The following FGF14 variants were observed in gnomAD, a reference collection of about 807,000 sequenced individuals.
The protein encoded by FGF14 is fibroblast growth factor 14, also known as fibroblast growth factor homologous factor 4.
FGF14 carries 5 observed loss-of-function variants against 25.5 expected under a neutral mutation model. The observed-to-expected ratio is 0.20, with a 90% CI of 0.10 to 0.41. The LOEUF (loss-of-function observed/expected upper bound fraction) is 0.41. Among genes scored for constraint, FGF14 ranks in the 10% least tolerant of loss-of-function variants. FGF14 has a pLI of 1.00. For missense variants in FGF14, 222 were observed against 320.1 expected (o/e 0.69, Z 2.34); for synonymous variants, 138 against 118.3 (o/e 1.17, Z -1.08).
At chr13:102,210,647 T>C (rs768607342) in intron 1 of FGF14, among the ~76,000 whole-genome samples, 1 of 152,168 alleles carries the variant, frequency 6.6e-6, no homozygotes, top group African/African-American at 2.4e-5. Flanking sequence ...GTGTTTCCCA[T>C]GGCCCTGAAA....
intron 1 of FGF14, among the ~76,000 whole-genome samples, chr13:102,157,359 T>C (rs1458505906): frequency 2.6e-5 from 4 of 151,972 alleles, no homozygotes; most frequent in African/African-American, 9.7e-5. Flanking sequence ...TGCCACATAT[T>C]TACAACTATC....
chr13:101,986,073 T>A (rs1487206589), intron 1 of FGF14, among the ~76,000 whole-genome samples: 1 of 152,154 alleles, frequency 6.6e-6, no homozygotes, highest in Non-Finnish European at 1.5e-5. Context: ...CACTGTAAGT[T>A]CAATTTGATA....
At chr13:102,305,426 G>C (rs2055322327) in intron 1 of FGF14, among the ~76,000 whole-genome samples, 1 of 152,124 alleles carries the variant, frequency 6.6e-6, no homozygotes, top group Admixed American at 6.5e-5. Flanking sequence ...AATGTGGATT[G>C]CCTACGATAG....
chr13:101,833,138 AG>A (rs2042759664), intron 3 of FGF14, among the ~76,000 whole-genome samples: 1 of 151,932 alleles, frequency 6.6e-6, no homozygotes, highest in Non-Finnish European at 1.5e-5. Flanking sequence ...GGTAGGAGGT[AG>A]GGTCTCTCCA....
Position 101,805,853 on chromosome 13 carries a change from A to T in FGF14, c.408+62872T>A, listed in dbSNP as rs1211702485. 3.9e-5 allele frequency among the ~76,000 whole-genome samples: 6 copies of T among 152,220 alleles called. No individual in the cohort carries two copies. The East Asian group carries it at 1.2e-3, about 29-fold the overall frequency. ...TTCAATAAAAATATATCAAAAAACA[A>T]AAGCCCAAATGGAGTTCTAAAAAAT... On this transcript the variant is annotated intron_variant, in intron 3 of 4. Transcript: ENST00000376143.
At chr13:102,248,192 A>G (rs778579880) in intron 1 of FGF14, among the ~76,000 whole-genome samples, 11 of 152,134 alleles carry the variant, frequency 7.2e-5, no homozygotes, top group Non-Finnish European at 1.3e-4. Flanking sequence ...AACCCCCACA[A>G]CACGAGTTTA....
At chr13:102,037,766 C>A (rs1451816543) in intron 1 of FGF14, among the ~76,000 whole-genome samples, 1 of 152,128 alleles carries the variant, frequency 6.6e-6, no homozygotes, top group African/African-American at 2.4e-5. Context: ...CGTTGCAGAC[C>A]AGTATCCAAG....
chr13:101,908,306 C>T (rs552350424), intron 1 of FGF14, among the ~76,000 whole-genome samples: 1 of 152,294 alleles, frequency 6.6e-6, no homozygotes, highest in South Asian at 2.1e-4. Context: ...CTCCTAATCC[C>T]AGCCCCACTC....
At chr13:102,305,992 C>T (rs2055354761) in intron 1 of FGF14, among the ~76,000 whole-genome samples, 1 of 152,118 alleles carries the variant, frequency 6.6e-6, no homozygotes, top group African/African-American at 2.4e-5. Flanking sequence ...CAATGCCCTG[C>T]CCTGCCCACA....
chr13:101,807,229 C>T (rs2041252503), intron 3 of FGF14, among the ~76,000 whole-genome samples: 1 of 152,090 alleles, frequency 6.6e-6, no homozygotes, highest in Admixed American at 6.6e-5. Context: ...GACATAATCA[C>T]TACTCATTCC....
intron 1 of FGF14, among the ~76,000 whole-genome samples, chr13:101,923,929 C>T (rs1359766730): frequency 1.3e-5 from 2 of 152,006 alleles, no homozygotes; most frequent in Admixed American, 6.6e-5. Flanking sequence ...TCTTTTAATC[C>T]AGCTAATACG....
At chr13:101,744,169 TTTGA>T (rs1436841923) in intron 3 of FGF14, among the ~76,000 whole-genome samples, 34 of 152,280 alleles carry the variant, frequency 2.2e-4, no homozygotes, top group Non-Finnish European at 3.8e-4. Context: ...GCCTTTATGC[TTTGA>T]TTGGGAGCTT....
chr13:101,828,729 T>C (rs1566949397), intron 3 of FGF14, among the ~76,000 whole-genome samples: 1 of 152,128 alleles, frequency 6.6e-6, no homozygotes, highest in Non-Finnish European at 1.5e-5. Context: ...GCTCTAATTT[T>C]ATTCCGATTA....
At chr13:101,800,661 TG>T (rs1381791237) in intron 3 of FGF14, among the ~76,000 whole-genome samples, 1 of 152,176 alleles carries the variant, frequency 6.6e-6, no homozygotes, top group Non-Finnish European at 1.5e-5. Context: ...CAGACACTTT[TG>T]ATTGGCATAT....
chr13:102,046,577 G>A (rs1197595449), intron 1 of FGF14, among the ~76,000 whole-genome samples: 1 of 152,128 alleles, frequency 6.6e-6, no homozygotes, highest in Non-Finnish European at 1.5e-5. Flanking sequence ...GCACCGTTCT[G>A]TTAAACTACC....
chr13:102,196,759 T>C (rs1594365127), intron 1 of FGF14, among the ~76,000 whole-genome samples: 3 of 152,268 alleles, frequency 2.0e-5, no homozygotes, highest in Admixed American at 2.0e-4. Flanking sequence ...AATCACCATT[T>C]TGTGTGAAAG....
Position 102,227,877 on chromosome 13 carries a change from T to G in FGF14, c.208+173594A>C, listed in dbSNP as rs543765224. Among the ~76,000 whole-genome samples the G allele has an allele frequency of 1.8e-4, 27 of 152,286 alleles. No homozygotes were observed. The South Asian group carries it at 2.7e-3, about 15-fold the overall frequency. ...ACATACCATCTGGCGTCTTGTCTGC[T>G]GAGCTACGTAAACCACCCGCCTTTG... On this transcript the variant is annotated intron_variant, in intron 1 of 4. Transcript: ENST00000376131.
At chr13:102,361,030 T>TA (rs749729855) in intron 1 of FGF14, among the ~76,000 whole-genome samples, 37 of 151,044 alleles carry the variant, frequency 2.4e-4, no homozygotes, top group Non-Finnish European at 4.4e-4. Flanking sequence ...TGGAGAACTT[T>TA]AAAAAAAAAG....
intron 3 of FGF14, among the ~76,000 whole-genome samples, chr13:101,811,568 AACAT>A (rs1402644742): frequency 2.0e-5 from 3 of 152,174 alleles, no homozygotes; most frequent in Non-Finnish European, 4.4e-5. Flanking sequence ...AGCTGCTATA[AACAT>A]CTGTGTGCAT....
Sources: gnomAD v4.1 joint callset for allele counts (sites outside exome capture counted in the v4.1 genomes callset) on GRCh38, gnomAD v4.1.1 for gene constraint, MANE v1.5 for transcripts, NCBI Gene and HGNC (gene_info 2026-07-23, HGNC 2026-07-21) for gene names.